Variants in DDR2 observed in about 807,000 individuals in gnomAD.
DDR2 encodes discoidin domain-containing receptor 2.
In DDR2, 27 loss-of-function variants were observed where a neutral mutation model predicts 94.9. The ratio of observed to expected loss-of-function variants is 0.28; its 90% CI spans 0.21 to 0.39. DDR2 has a LOEUF of 0.39. Among genes scored for constraint, DDR2 ranks in the 10% least tolerant of loss-of-function variants. The probability of loss-of-function intolerance (pLI) is 1.00; values close to 1 mark genes in which losing one functional copy is unlikely to be tolerated. For missense variants in DDR2, 783 were observed against 1,076.0 expected, an observed-to-expected ratio of 0.73 and a Z score of 3.81; for synonymous variants, 382 against 377.2, an observed-to-expected ratio of 1.01 and a Z score of -0.15.
intron 3 of DDR2, among the ~76,000 whole-genome samples, chr1:162,741,222 T>TATAAC (rs1662584535): frequency 1.5e-5 from 2 of 130,664 alleles, no homozygotes; most frequent in African/African-American, 5.8e-5. Context: ...TATAATATAA[T>TATAAC]ATAATATAAT....
Position 162,763,185 on chromosome 1 carries a change from A to AT in DDR2, c.1099+1744dup, listed in dbSNP as rs768429513. On this transcript the variant is annotated intron_variant, in intron 9 of 17. Transcript: ENST00000367921. ...TGTGCTGTCTTTGACTAGAGTTTGCATTTTTTTTTTTTTGAGACGGTATCT... is the reference window on the plus strand; with the variant it reads ...TGTGCTGTCTTTGACTAGAGTTTGCATTTTTTTTTTTTTTGAGACGGTATCT... 7.6e-3 allele frequency among the ~76,000 whole-genome samples: 1,036 copies of AT among 135,480 alleles called. 5 individuals are homozygous for AT. The highest frequency in any genetic ancestry group is 0.018 in the African/African-American group (666 of 36,804). 88.9% of individuals were successfully genotyped at this position (135,480 alleles called of 152,430 possible).
chr1:162,658,391 C>T (rs906797906), intron 2 of DDR2, among the ~76,000 whole-genome samples: 1 of 152,086 alleles, frequency 6.6e-6, no homozygotes, highest in Non-Finnish European at 1.5e-5. Context: ...GCATAAACCT[C>T]GATGTCTGAA....
At chr1:162,641,880 A>G (rs924730655) in intron 1 of DDR2, among the ~76,000 whole-genome samples, 4 of 152,256 alleles carry the variant, frequency 2.6e-5, no homozygotes, top group Non-Finnish European at 4.4e-5. Flanking sequence ...AAGGAGGAAC[A>G]GATAAGCTTA....
Position 162,739,473 on chromosome 1 carries a change from A to C in DDR2, c.83-13622A>C, listed in dbSNP as rs184446333. Among the ~76,000 whole-genome samples, 815 of 152,152 alleles carry C rather than the reference A, an allele frequency of 5.4e-3. 3 individuals carry two copies. The highest frequency in any genetic ancestry group is 0.019 in the African/African-American group (772 of 41,504). On this transcript the variant is annotated intron_variant, in intron 3 of 17. Transcript: ENST00000367921. ...ATGGGCACACCACCATGCCTGGCTA[A>C]TTTTTGTATTTTTGATGGAGACAGG...
intron 3 of DDR2, among the ~76,000 whole-genome samples, chr1:162,751,378 C>T (rs1362430904): frequency 6.6e-6 from 1 of 151,954 alleles, no homozygotes; most frequent in East Asian, 1.9e-4. Flanking sequence ...TTTATGCAGC[C>T]AACAGATACA....
At chr1:162,700,899 G>C (rs1660400669) in intron 2 of DDR2, among the ~76,000 whole-genome samples, 1 of 152,106 alleles carries the variant, frequency 6.6e-6, no homozygotes, top group African/African-American at 2.4e-5. Context: ...GATTAAACCG[G>C]TGTTTTCTTT....
intron 3 of DDR2, among the ~76,000 whole-genome samples, chr1:162,744,575 G>C (rs571369752): frequency 4.6e-5 from 7 of 152,114 alleles, no homozygotes; most frequent in African/African-American, 1.7e-4. Flanking sequence ...GTGCAGGTTT[G>C]TTACATAGGT....
intron 9 of DDR2, among the ~76,000 whole-genome samples, chr1:162,763,818 A>G (rs564272325): frequency 6.6e-6 from 1 of 152,334 alleles, no homozygotes; most frequent in Non-Finnish European, 1.5e-5. Context: ...TTCCAATTCA[A>G]ATTAAAGATA....
At chr1:162,744,149 G>C (rs1165200627) in intron 3 of DDR2, among the ~76,000 whole-genome samples, 1 of 152,226 alleles carries the variant, frequency 6.6e-6, no homozygotes, top group Non-Finnish European at 1.5e-5. Flanking sequence ...TCATAATGAT[G>C]ATGACTGTAA....
chr1:162,756,896 G>A (rs904096973), intron 7 of DDR2, among the ~76,000 whole-genome samples: 1 of 152,198 alleles, frequency 6.6e-6, no homozygotes, highest in African/African-American at 2.4e-5. Context: ...ACCGAATTCA[G>A]TTTAATTTAA....
intron 3 of DDR2, among the ~76,000 whole-genome samples, chr1:162,728,372 G>T (rs1350935991): frequency 3.3e-5 from 5 of 151,760 alleles, no homozygotes; most frequent in Non-Finnish European, 5.9e-5. Context: ...AATTTGCCAG[G>T]CCAGGTAAAA....
At chr1:162,718,613 T>C (rs1661276300) in intron 2 of DDR2, among the ~76,000 whole-genome samples, 1 of 152,168 alleles carries the variant, frequency 6.6e-6, no homozygotes, top group Middle Eastern at 3.2e-3. Context: ...GGGATAAATA[T>C]TGAACTTATA....
intron 2 of DDR2, among the ~76,000 whole-genome samples, chr1:162,708,248 T>A (rs541558221): frequency 1.3e-5 from 2 of 152,244 alleles, no homozygotes; most frequent in African/African-American, 4.8e-5. Flanking sequence ...CCTGCAGGGA[T>A]CAGGAAGGAG....
At chr1:162,700,070 A>T (rs540552070) in intron 2 of DDR2, among the ~76,000 whole-genome samples, 2 of 152,232 alleles carry the variant, frequency 1.3e-5, no homozygotes, top group African/African-American at 4.8e-5. Context: ...AAAGGTAGTT[A>T]CTCATGAGAG....
chr1:162,663,157 A>G (rs914677111), intron 2 of DDR2, among the ~76,000 whole-genome samples: 2 of 152,188 alleles, frequency 1.3e-5, no homozygotes, highest in African/African-American at 2.4e-5. Context: ...GCCTGTATGT[A>G]TCTTTTCTTG....
rs1164535833 is a variant in DDR2, at chr1:162,782,572, CCTA to C, written c.*2327_*2329del. 1 of 8,226 alleles carries C rather than the reference CCTA, an allele frequency of 1.2e-4. No individual in the cohort carries two copies. The highest frequency in any genetic ancestry group is 7.9e-3 in the Non-Finnish European group (1 of 126). 0.5% of individuals were successfully genotyped at this position (8,226 alleles called of 1,614,324 possible). A position where few individuals can be genotyped will look rare whatever the true frequency, so the allele number is the denominator to read the frequency against. ...AGGGACTTGAACTCAGGACCTGCAG[CCTA>C]TTCTTCTTTATCCACATGTCTCTGG... On this transcript the variant is annotated 3_prime_UTR_variant, in exon 18 of 18. Coordinates refer to ENST00000367921, the MANE Select transcript of DDR2 (RefSeq NM_006182.4).
Position 162,697,390 on chromosome 1 carries a change from T to C in DDR2, c.-27-21647T>C, listed in dbSNP as rs1023997429. ...AAACTGCAAAGTCTCACATAGTCAT[T>C]TGCTGAAAACTGAAGTGTCCCAACA... On this transcript the variant is annotated intron_variant, in intron 2 of 17. Coordinates refer to ENST00000367921, the MANE Select transcript of DDR2 (RefSeq NM_006182.4). Among the ~76,000 whole-genome samples the C allele has an allele frequency of 3.3e-5, 5 of 152,312 alleles. No homozygotes were observed. In the East Asian group the frequency reaches 9.6e-4, roughly 29 times the overall value.
intron 1 of DDR2, among the ~76,000 whole-genome samples, chr1:162,635,630 A>T (rs1407261364): frequency 1.3e-5 from 2 of 152,332 alleles, no homozygotes; most frequent in South Asian, 4.1e-4. Flanking sequence ...CCCAACAATG[A>T]CTAGTCAGTC....
chr1:162,742,950 C>T (rs992075005), intron 3 of DDR2, among the ~76,000 whole-genome samples: 10 of 152,036 alleles, frequency 6.6e-5, no homozygotes, highest in Non-Finnish European at 1.2e-4. Flanking sequence ...CGGGCAGGCC[C>T]CCATAATTCA....
Sources: gnomAD v4.1 joint callset for allele counts (sites outside exome capture counted in the v4.1 genomes callset) on GRCh38, gnomAD v4.1.1 for gene constraint, MANE v1.5 for transcripts, NCBI Gene and HGNC (gene_info 2026-07-23, HGNC 2026-07-21) for gene names.